The following NELL1 variants were observed in gnomAD, a reference collection of about 807,000 sequenced individuals.
The protein encoded by NELL1 is neural EGFL like 1.
Under a neutral mutation model 107.4 loss-of-function variants are expected in NELL1, and 76 were observed. The observed-to-expected ratio is 0.71, with a 90% CI of 0.59 to 0.86. NELL1 has a LOEUF of 0.86. NELL1 is among the 40% of genes least tolerant of loss of function. The pLI is 0.00. For missense variants in NELL1, 1,024 were observed against 1,005.5 expected (o/e 1.02, Z -0.25); for synonymous variants, 353 against 341.2 (o/e 1.03, Z -0.38).
At chr11:21,032,197 G>T (rs1405016510) in intron 12 of NELL1, among the ~76,000 whole-genome samples, 1 of 151,906 alleles carries the variant, frequency 6.6e-6, no homozygotes, top group Non-Finnish European at 1.5e-5. Context: ...CGGCTCCAGT[G>T]CATTGCCCCT....
chr11:21,429,535 T>G (rs577040774), intron 15 of NELL1, among the ~76,000 whole-genome samples: 8 of 152,334 alleles, frequency 5.3e-5, no homozygotes, highest in Admixed American at 1.3e-4. Flanking sequence ...CCACCTTCAA[T>G]GCAGTGCATG....
At chr11:21,535,757 G>T (rs1392530372) in intron 16 of NELL1, among the ~76,000 whole-genome samples, 1 of 152,112 alleles carries the variant, frequency 6.6e-6, no homozygotes, top group East Asian at 1.9e-4. Flanking sequence ...TGTGATAATT[G>T]AGTTAATATC....
At chr11:20,939,802 G>A (rs533449073) in intron 10 of NELL1, among the ~76,000 whole-genome samples, 1 of 152,290 alleles carries the variant, frequency 6.6e-6, no homozygotes, top group Admixed American at 6.5e-5. Flanking sequence ...CATTCAGGAG[G>A]AGGAACATGT....
At chr11:21,535,417 G>T (rs1433693096) in intron 16 of NELL1, among the ~76,000 whole-genome samples, 3 of 152,124 alleles carry the variant, frequency 2.0e-5, no homozygotes, top group Non-Finnish European at 4.4e-5. Context: ...TGTTTTCTCT[G>T]CTTAGGGTAT....
intron 14 of NELL1, among the ~76,000 whole-genome samples, chr11:21,295,599 C>T (rs1263717433): frequency 3.9e-5 from 6 of 151,910 alleles, no homozygotes; most frequent in African/African-American, 1.2e-4. Context: ...ACAGCAGTTG[C>T]GAAAAGGTGA....
intron 15 of NELL1, among the ~76,000 whole-genome samples, chr11:21,407,138 G>T (rs138900136): frequency 6.6e-6 from 1 of 151,976 alleles, no homozygotes; most frequent in Non-Finnish European, 1.5e-5. Flanking sequence ...CTTTCTGGCA[G>T]GTCATGGTGG....
intron 2 of NELL1, among the ~76,000 whole-genome samples, chr11:20,744,026 G>A (rs1478625444): frequency 3.3e-5 from 5 of 152,096 alleles, no homozygotes; most frequent in African/African-American, 4.8e-5. Context: ...TCCTCATCTA[G>A]TCTATTGATT....
intron 4 of NELL1, among the ~76,000 whole-genome samples, chr11:20,863,557 G>T (rs1344013694): frequency 7.0e-6 from 1 of 142,002 alleles, no homozygotes; most frequent in Non-Finnish European, 1.6e-5. Flanking sequence ...ATGGGCAGCC[G>T]GGCAGAGACG....
chr11:20,752,708 A>C (rs190287481), intron 2 of NELL1, among the ~76,000 whole-genome samples: 2 of 152,340 alleles, frequency 1.3e-5, no homozygotes, highest in Admixed American at 1.3e-4. Context: ...AAAATTTATA[A>C]ACATGGTTTG....
chr11:21,242,639 T>C (rs193154264), intron 14 of NELL1, among the ~76,000 whole-genome samples: 1 of 152,258 alleles, frequency 6.6e-6, no homozygotes, highest in East Asian at 1.9e-4. Flanking sequence ...TGTAAAGATC[T>C]CTTGTAGGCC....
chr11:21,298,942 G>A (rs1297368121), intron 14 of NELL1, among the ~76,000 whole-genome samples: 1 of 151,798 alleles, frequency 6.6e-6, no homozygotes, highest in Non-Finnish European at 1.5e-5. Context: ...TTTTGTATTT[G>A]TCTAGAGCAC....
At chr11:20,877,613 T>G (rs1485279551) in intron 4 of NELL1, among the ~76,000 whole-genome samples, 1 of 152,122 alleles carries the variant, frequency 6.6e-6, no homozygotes, top group Non-Finnish European at 1.5e-5. Context: ...TAAACCAAAG[T>G]CACAAATTAA....
intron 13 of NELL1, among the ~76,000 whole-genome samples, chr11:21,141,719 A>G (rs1257793553): frequency 1.3e-5 from 2 of 151,708 alleles, no homozygotes; most frequent in African/African-American, 2.4e-5. Context: ...ACCATTGTAT[A>G]CCCTCCTCCT....
chr11:20,834,232 C>T (rs1299850336), intron 3 of NELL1, among the ~76,000 whole-genome samples: 5 of 151,978 alleles, frequency 3.3e-5, no homozygotes, highest in East Asian at 1.9e-4. Flanking sequence ...GGAACAGAAG[C>T]GATAGAACTT....
chr11:20,834,700 CAA>C (rs11310054), intron 3 of NELL1, among the ~76,000 whole-genome samples: 5 of 137,070 alleles, frequency 3.6e-5, no homozygotes, highest in Non-Finnish European at 6.5e-5. Context: ...GACTCCGTCT[CAA>C]AAAAAAAAAC....
At chr11:21,028,599 A>G (rs1313105575) in intron 12 of NELL1, among the ~76,000 whole-genome samples, 1 of 151,968 alleles carries the variant, frequency 6.6e-6, no homozygotes, top group Non-Finnish European at 1.5e-5. Context: ...CTTTTGCTGC[A>G]CTTCTCTCCC....
intron 12 of NELL1, among the ~76,000 whole-genome samples, chr11:21,096,976 C>T (rs1190289579): frequency 4.6e-5 from 7 of 152,016 alleles, no homozygotes; most frequent in Non-Finnish European, 1.0e-4. Flanking sequence ...CTTGGCCTCC[C>T]AAAGTGCTGG....
Position 21,105,352 on chromosome 11 carries a change from T to A in NELL1, c.1301-8237T>A, listed in dbSNP as rs144742585. The stretch of plus-strand genomic sequence containing the variant: ...TATAGACAGGCTTGATGAGACAGTG[T>A]CTGATTTACATAGGGCCAAAAGACT... On this transcript the variant is annotated intron_variant, in intron 12 of 19. Coordinates refer to ENST00000357134, the MANE Select transcript of NELL1 (RefSeq NM_006157.5). Among the ~76,000 whole-genome samples, 462 of 152,266 alleles carry A rather than the reference T, an allele frequency of 3.0e-3. 2 individuals carry two copies. The highest frequency in any genetic ancestry group is 0.011 in the African/African-American group (438 of 41,556).
chr11:20,768,723 A>T (rs536454107), intron 2 of NELL1, among the ~76,000 whole-genome samples: 1 of 152,164 alleles, frequency 6.6e-6, no homozygotes, highest in East Asian at 1.9e-4. Flanking sequence ...ATAAGATTCT[A>T]TGCTGCTTGT....
Sources: gnomAD v4.1 joint callset for allele counts (sites outside exome capture counted in the v4.1 genomes callset) on GRCh38, gnomAD v4.1.1 for gene constraint, MANE v1.5 for transcripts, NCBI Gene and HGNC (gene_info 2026-07-23, HGNC 2026-07-21) for gene names.